PCSK2: variants seen among roughly 807,000 people sequenced by gnomAD.
PCSK2 encodes the protein neuroendocrine convertase 2.
In PCSK2, 14 loss-of-function variants were observed where a neutral mutation model predicts 69.7. The ratio of observed to expected loss-of-function variants is 0.20; its 90% CI spans 0.13 to 0.31. The LOEUF (loss-of-function observed/expected upper bound fraction) is 0.31. Among genes scored for constraint, PCSK2 ranks in the 10% least tolerant of loss-of-function variants. PCSK2 has a pLI of 1.00. For missense variants in PCSK2, 544 were observed against 842.5 expected (o/e 0.65, Z 4.39); for synonymous variants, 307 against 320.7 (o/e 0.96, Z 0.46).
In PCSK2 at chr20:17,317,983, A is replaced by G. The variant is rs150672962; in HGVS notation, c.283-40344A>G. Among the ~76,000 whole-genome samples the G allele has an allele frequency of 5.8e-3, 891 of 152,332 alleles. 5 individuals are homozygous for G. Among genetic ancestry groups the G allele is most frequent in the Non-Finnish European group, 0.01 (689 of 68,032 alleles). ...ATAGAAAAAAGGTTTGCCTGATTCT[A>G]TTTTACAGACAGTCTCTTAAAATGT... On this transcript the variant is annotated intron_variant, in intron 2 of 11. Coordinates refer to ENST00000262545, the MANE Select transcript of PCSK2 (RefSeq NM_002594.5).
intron 6 of PCSK2, among the ~76,000 whole-genome samples, chr20:17,417,855 T>C (rs1274876436): frequency 6.6e-6 from 1 of 152,220 alleles, no homozygotes; most frequent in African/African-American, 2.4e-5. Flanking sequence ...GGGTTAATCA[T>C]TGTTAAAGCT....
chr20:17,398,950 C>T (rs1370359982), intron 5 of PCSK2, among the ~76,000 whole-genome samples: 3 of 152,060 alleles, frequency 2.0e-5, no homozygotes, highest in African/African-American at 7.2e-5. Flanking sequence ...CTCATGAAGG[C>T]TAATGAGACA....
intron 2 of PCSK2, among the ~76,000 whole-genome samples, chr20:17,278,188 A>C (rs1988165563): frequency 6.6e-6 from 1 of 152,220 alleles, no homozygotes; most frequent in Non-Finnish European, 1.5e-5. Context: ...TAGAACTAGA[A>C]GTACCATTTG....
Position 17,333,568 on chromosome 20 carries a change from T to G in PCSK2, c.283-24759T>G, listed in dbSNP as rs1990258474. Among the ~76,000 whole-genome samples the G allele has an allele frequency of 2.0e-5, 3 of 150,494 alleles. No individual in the cohort carries two copies. In the South Asian group the frequency reaches 6.3e-4, roughly 32 times the overall value. On this transcript the variant is annotated intron_variant, in intron 2 of 11. Coordinates refer to ENST00000262545, the MANE Select transcript of PCSK2 (RefSeq NM_002594.5). ...CTCCCAACTTGATAATCTTCACAGCTGGAAATGTCCCCCTTCCTTCAGAAT... is the reference window on the plus strand; with the variant it reads ...CTCCCAACTTGATAATCTTCACAGCGGGAAATGTCCCCCTTCCTTCAGAAT...
At chr20:17,339,363 T>C (rs1990443617) in intron 2 of PCSK2, among the ~76,000 whole-genome samples, 1 of 152,204 alleles carries the variant, frequency 6.6e-6, no homozygotes, top group African/African-American at 2.4e-5. Flanking sequence ...TGGGTTTCTT[T>C]GTTTTGCAGC....
intron 5 of PCSK2, among the ~76,000 whole-genome samples, chr20:17,379,207 G>A (rs1306958969): frequency 6.6e-6 from 1 of 152,214 alleles, no homozygotes; most frequent in Non-Finnish European, 1.5e-5. Flanking sequence ...CCCAGGAGGG[G>A]AGTAGTGGGT....
chr20:17,325,013 A>G (rs533105002), intron 2 of PCSK2, among the ~76,000 whole-genome samples: 3 of 152,100 alleles, frequency 2.0e-5, no homozygotes, highest in African/African-American at 7.2e-5. Context: ...TGCCCAGTCA[A>G]ACTCCTCTTG....
intron 4 of PCSK2, among the ~76,000 whole-genome samples, chr20:17,363,643 A>G (rs1323315006): frequency 6.6e-6 from 1 of 152,200 alleles, no homozygotes; most frequent in Non-Finnish European, 1.5e-5. Flanking sequence ...CAGAGAAGGC[A>G]TGGGTCAAGG....
At chr20:17,468,633 G>A (rs1230278022) in intron 11 of PCSK2, among the ~76,000 whole-genome samples, 2 of 149,218 alleles carry the variant, frequency 1.3e-5, no homozygotes, top group African/African-American at 5.0e-5. Flanking sequence ...CCCGTAGAAG[G>A]GTAGCCCACT....
At chr20:17,352,417 C>A (rs527433360) in intron 2 of PCSK2, among the ~76,000 whole-genome samples, 1 of 152,174 alleles carries the variant, frequency 6.6e-6, no homozygotes, top group South Asian at 2.1e-4. Flanking sequence ...AAGAACAAAG[C>A]TGGAGGCATT....
At chr20:17,283,210 TGATA>T (rs1172642779) in intron 2 of PCSK2, among the ~76,000 whole-genome samples, 1 of 152,052 alleles carries the variant, frequency 6.6e-6, no homozygotes, top group African/African-American at 2.4e-5. Context: ...GATAGAAAGA[TGATA>T]GATAGAGATA....
rs542732661 is a variant in PCSK2 at position 17,453,971 on chromosome 20, C to T, written c.1101+14C>T. ...GAGGCCGGTGTGGTGAGCACGTCCC[C>T]TTCTGTCCTTGTTTCCTTAGGGCCA... On this transcript the variant is annotated intron_variant, in intron 9 of 11. Coordinates refer to ENST00000262545, the MANE Select transcript of PCSK2 (RefSeq NM_002594.5). The surrounding 1 kb of genome is among the most constrained non-coding windows in gnomAD (Gnocchi z 4.0). 2 of 1,613,976 alleles carry T rather than the reference C, an allele frequency of 1.2e-6. No homozygotes were observed. Among genetic ancestry groups the T allele is most frequent in the Admixed American group, 1.7e-5 (1 of 60,022 alleles).
intron 6 of PCSK2, among the ~76,000 whole-genome samples, chr20:17,415,025 G>A (rs1043150428): frequency 2.0e-5 from 3 of 152,144 alleles, no homozygotes; most frequent in Admixed American, 2.0e-4. Flanking sequence ...AGATATTGAT[G>A]AAATGTATCT....
At chr20:17,425,718 C>T (rs925112002) in intron 6 of PCSK2, among the ~76,000 whole-genome samples, 12 of 152,144 alleles carry the variant, frequency 7.9e-5, no homozygotes, top group Non-Finnish European at 1.6e-4. Flanking sequence ...CCTGGTGGAG[C>T]AGCTCTCCTC....
rs200722618 is a variant in PCSK2, at chr20:17,312,563, C to CA, written c.283-45757dup. On this transcript the variant is annotated intron_variant, in intron 2 of 11. Transcript: ENST00000262545. ...GAAACCCTGGATATTATCAGGATAA[C>CA]AAAAAAATCACCTGACCTGACCCCC... 6.4e-3 allele frequency among the ~76,000 whole-genome samples: 977 copies of CA among 152,038 alleles called. 8 individuals are homozygous for CA. The highest frequency in any genetic ancestry group is 0.022 in the African/African-American group (931 of 41,496).
Position 17,358,414 on chromosome 20 carries a change from C to G in PCSK2, c.370C>G (p.Pro124Ala). The G allele has an allele frequency of 6.2e-7, 1 of 1,604,868 alleles. No homozygotes were observed. The highest frequency in any genetic ancestry group is 1.1e-5 in the South Asian group (1 of 90,916). Residue 124 changes from proline (P) to alanine (A), a missense_variant, in exon 3 of 12, where the codon CCT becomes GCT. Physicochemically the swap from Pro to Ala is conservative, Grantham distance 27 (BLOSUM62 -1). Around this residue, in one of 3 missense-constraint regions of PCSK2, gnomAD observed 157 missense variants for 155.0 expected, o/e 1.01. Coordinates refer to ENST00000262545, the MANE Select transcript of PCSK2 (RefSeq NM_002594.5). ...INEIDINMND[P>A]LFTKQWYLIN... ...TGAGATCGACATCAACATGAACGAT[C>G]CTCTTTTTACAAAGCAGTGGTATCT...
At position 17,436,796 on chromosome 20, in the gene PCSK2, C is replaced by A; in HGVS notation, c.798C>A (p.Ser266Arg). 6.2e-7 allele frequency: 1 copy of A among 1,613,950 alleles called. No individual in the cohort carries two copies. Among genetic ancestry groups the A allele is most frequent in the Non-Finnish European group, 8.5e-7 (1 of 1,179,936 alleles). The change falls in exon 8 of 12, where the codon AGC (serine) becomes AGA (arginine). Residue 266 changes from serine (S) to arginine (R), a missense_variant. Around this residue, in one of 3 missense-constraint regions of PCSK2, gnomAD observed 187 missense variants for 399.8 expected, o/e 0.47. Transcript: ENST00000262545. Reference protein sequence around the residue: ...SHMPQLIDIYSASWGPTDNGK... With the variant: ...SHMPQLIDIYRASWGPTDNGK... ...TGCCACAGCTGATTGACATCTACAG[C>A]GCCAGCTGGGGCCCCACAGACAACG...
At chr20:17,465,264 T>C in intron 10 of PCSK2, 62 bp from the exon 11 acceptor site, 1 of 1,094,506 alleles carries the variant, frequency 9.1e-7, no homozygotes, top group Non-Finnish European at 1.4e-6. Flanking sequence ...TCATTGTGCC[T>C]CTCTCCCTCT....
chr20:17,424,868 T>G (rs779527953), intron 6 of PCSK2, among the ~76,000 whole-genome samples: 5 of 152,162 alleles, frequency 3.3e-5, no homozygotes, highest in Non-Finnish European at 5.9e-5. Context: ...CACTGTAACC[T>G]CCGACTCCTA....
Sources: allele counts gnomAD v4.1 joint callset (sites outside exome capture counted in the v4.1 genomes callset), GRCh38; gene constraint gnomAD v4.1.1; regional missense constraint gnomAD v4.1.1; non-coding constraint Gnocchi (gnomAD v3.1); transcripts MANE v1.5; gene names NCBI Gene and HGNC (gene_info 2026-07-23, HGNC 2026-07-21).